Variants in UNC5C observed in about 807,000 individuals in gnomAD.
UNC5C encodes unc-5 netrin receptor C.
Under a neutral mutation model 99.8 loss-of-function variants are expected in UNC5C, and 47 were observed. That is an observed-to-expected ratio of 0.47 (90% CI 0.37 to 0.60). The LOEUF is 0.60. UNC5C is among the 20% of genes least tolerant of loss of function. UNC5C has a pLI of 0.00. For missense variants in UNC5C, 1,062 were observed against 1,165.9 expected (o/e 0.91, Z 1.30); for synonymous variants, 487 against 452.2 (o/e 1.08, Z -0.98).
chr4:95,393,411 C>T (rs1745416607), intron 1 of UNC5C, among the ~76,000 whole-genome samples: 2 of 152,060 alleles, frequency 1.3e-5, no homozygotes, highest in African/African-American at 4.8e-5. Context: ...AGTAAAGAGG[C>T]AAAAGGCTGT....
At chr4:95,509,306 C>A (rs141551958) in intron 1 of UNC5C, among the ~76,000 whole-genome samples, 7 of 151,782 alleles carry the variant, frequency 4.6e-5, no homozygotes, top group Middle Eastern at 6.8e-3. Flanking sequence ...GAGTATAGTG[C>A]AATACAGACT....
At chr4:95,387,103 T>C (rs1745232611) in intron 1 of UNC5C, among the ~76,000 whole-genome samples, 1 of 152,134 alleles carries the variant, frequency 6.6e-6, no homozygotes, top group African/African-American at 2.4e-5. Flanking sequence ...GGTGCCCTAT[T>C]TCTTTTTCTT....
intron 1 of UNC5C, among the ~76,000 whole-genome samples, chr4:95,359,694 T>C (rs1239867565): frequency 6.6e-6 from 1 of 152,164 alleles, no homozygotes; most frequent in East Asian, 1.9e-4. Flanking sequence ...GAAAGGAATC[T>C]AGGTACCTCT....
At chr4:95,374,115 C>T (rs1168203087) in intron 1 of UNC5C, among the ~76,000 whole-genome samples, 2 of 152,044 alleles carry the variant, frequency 1.3e-5, no homozygotes, top group African/African-American at 4.8e-5. Context: ...CCTCAGGACT[C>T]TTCTTAATGA....
intron 1 of UNC5C, among the ~76,000 whole-genome samples, chr4:95,348,867 G>C (rs1387314482): frequency 6.7e-6 from 1 of 150,170 alleles, no homozygotes; most frequent in African/African-American, 2.4e-5. Flanking sequence ...GCCAGGTACA[G>C]AAAGACAAAC....
chr4:95,168,468 TACAA>T lies in UNC5C; in HGVS notation c.*762_*765del, dbSNP rs1429214674. ...AAAAAAAACACTTCATATTGCATAT[TACAA>T]ACAAACACACATGTTGTGAAAAAAA... On this transcript the variant is annotated 3_prime_UTR_variant, in exon 16 of 16. Transcript: ENST00000453304. 2.0e-5 allele frequency: 3 copies of T among 152,770 alleles called. No individual in the cohort carries two copies. Among genetic ancestry groups the T allele is most frequent in the South Asian group, 4.1e-4 (2 of 4,832 alleles). 9.5% of individuals were successfully genotyped at this position (152,770 alleles called of 1,614,324 possible).
At position 95,321,510 on chromosome 4, in the gene UNC5C, T is replaced by C. The variant is rs535580420; in HGVS notation, c.346+13900A>G. On this transcript the variant is annotated intron_variant, in intron 2 of 15. Transcript: ENST00000453304. ...GTTCTAGAACTCTGATCTAACTATG[T>C]TTTTGTAATTGCAGCTGAGTTTATG... is the stretch of plus-strand genomic sequence containing the variant. Among the ~76,000 whole-genome samples the C allele has an allele frequency of 8.5e-5, 13 of 152,286 alleles. No individual in the cohort carries two copies. In the South Asian group the frequency reaches 2.7e-3, roughly 32 times the overall value.
chr4:95,484,610 G>A (rs1029883095), intron 1 of UNC5C, among the ~76,000 whole-genome samples: 1 of 151,792 alleles, frequency 6.6e-6, no homozygotes, highest in Non-Finnish European at 1.5e-5. Context: ...CTGTCAGACT[G>A]GATCCCTGAG....
At chr4:95,270,980 T>C (rs1315303826) in intron 4 of UNC5C, among the ~76,000 whole-genome samples, 1 of 152,222 alleles carries the variant, frequency 6.6e-6, no homozygotes, top group Non-Finnish European at 1.5e-5. Flanking sequence ...GAAAAATACA[T>C]GCTTTTTGCT....
At chr4:95,269,539 TG>T (rs113270372) in intron 4 of UNC5C, among the ~76,000 whole-genome samples, 6,134 of 152,096 alleles carry the variant, frequency 0.04, 294 homozygotes, top group African/African-American at 0.11. Flanking sequence ...CCTACTGCCT[TG>T]GCCTCCCAAA....
intron 12 of UNC5C, among the ~76,000 whole-genome samples, chr4:95,191,759 TC>T (rs1283232387): frequency 7.2e-6 from 1 of 139,334 alleles, no homozygotes; most frequent in Non-Finnish European, 1.5e-5. Flanking sequence ...CTGCTTACCC[TC>T]CTCCCCTGCT....
At chr4:95,169,805 G>A (rs1335960650) in intron 15 of UNC5C, among the ~76,000 whole-genome samples, 3 of 152,142 alleles carry the variant, frequency 2.0e-5, no homozygotes, top group Non-Finnish European at 2.9e-5. Context: ...TGCTGTGTTG[G>A]CATGCTAATT....
At chr4:95,528,735 G>C (rs1463308323) in intron 1 of UNC5C, among the ~76,000 whole-genome samples, 3 of 152,150 alleles carry the variant, frequency 2.0e-5, no homozygotes, top group Non-Finnish European at 4.4e-5. Flanking sequence ...ACTCTGTGCA[G>C]CTCCCCACTT....
chr4:95,277,180 G>A (rs913979451), intron 4 of UNC5C, among the ~76,000 whole-genome samples: 2 of 152,098 alleles, frequency 1.3e-5, no homozygotes, highest in African/African-American at 4.8e-5. Flanking sequence ...TTCAGAGATA[G>A]GCACAACTTC....
At chr4:95,354,479 A>ATATATTTTTTTTTTTTT in intron 1 of UNC5C, among the ~76,000 whole-genome samples, 18 of 110,346 alleles carry the variant, frequency 1.6e-4, no homozygotes, top group South Asian at 2.9e-4. Flanking sequence ...ATATATATAT[A>ATATATTTTTTTTTTTTT]TTTTTTTTTT....
At chr4:95,492,741 T>C (rs532638458) in intron 1 of UNC5C, among the ~76,000 whole-genome samples, 1 of 151,604 alleles carries the variant, frequency 6.6e-6, no homozygotes, top group East Asian at 1.9e-4. Flanking sequence ...CTGAGAGAAA[T>C]CCATTATCTA....
chr4:95,392,308 C>T (rs1745385104), intron 1 of UNC5C, among the ~76,000 whole-genome samples: 1 of 139,742 alleles, frequency 7.2e-6, no homozygotes, highest in Non-Finnish European at 1.6e-5. Flanking sequence ...TAACAGATAA[C>T]ATTTTTAGGC....
At chr4:95,198,976 A>G (rs2149359049) in intron 12 of UNC5C, among the ~76,000 whole-genome samples, 1 of 152,308 alleles carries the variant, frequency 6.6e-6, no homozygotes, top group East Asian at 1.9e-4. Flanking sequence ...AAATGCCCCA[A>G]TACCTAGACC....
At chr4:95,301,778 C>T (rs1440373348) in intron 2 of UNC5C, 29 bp from the exon 3 acceptor site, 2 of 1,606,802 alleles carry the variant, frequency 1.2e-6, no homozygotes, top group Admixed American at 3.4e-5. Context: ...AGATTTAAGT[C>T]AACACAAGAT....
Sources: allele counts gnomAD v4.1 joint callset (sites outside exome capture counted in the v4.1 genomes callset), GRCh38; gene constraint gnomAD v4.1.1; transcripts MANE v1.5; gene names NCBI Gene and HGNC (gene_info 2026-07-23, HGNC 2026-07-21).